The following SLC14A2 variants were observed in gnomAD, a reference collection of about 807,000 sequenced individuals.
SLC14A2 encodes the protein urea transporter 2.
A neutral mutation model predicts 104.6 loss-of-function variants in SLC14A2; 91 were observed. That is an observed-to-expected ratio of 0.87 (90% CI 0.73 to 1.04). The LOEUF is 1.04. Ranked by LOEUF, SLC14A2 falls within the 50% of genes least tolerant of loss-of-function variation. SLC14A2 has a pLI of 0.00. For missense variants in SLC14A2, 1,189 were observed against 1,156.0 expected (o/e 1.03, Z -0.41); for synonymous variants, 476 against 466.4 (o/e 1.02, Z -0.27).
At position 45,234,120 on chromosome 18, in the gene SLC14A2, T is replaced by C. The variant is rs541168622; in HGVS notation, c.-125+20929T>C. ...TGAAAAATTAAGAAAAATTAAGTGC[T>C]GATAACTAAATTCCTTAACCTGCCC... is the stretch of plus-strand genomic sequence containing the variant. On this transcript the variant is annotated intron_variant, in intron 1 of 20. Coordinates refer to the SLC14A2 transcript ENST00000586448. Among the ~76,000 whole-genome samples the C allele has an allele frequency of 5.9e-5, 9 of 152,262 alleles. No homozygotes were observed. The East Asian group carries it at 1.7e-3, about 29-fold the overall frequency.
At chr18:45,347,673 C>T (rs1226711021) in intron 1 of SLC14A2, among the ~76,000 whole-genome samples, 1 of 152,112 alleles carries the variant, frequency 6.6e-6, no homozygotes, top group African/African-American at 2.4e-5. Flanking sequence ...AAGGTACCTC[C>T]TACCTTATTC....
At chr18:45,239,459 G>T (rs769700419) in intron 1 of SLC14A2, among the ~76,000 whole-genome samples, 2 of 152,208 alleles carry the variant, frequency 1.3e-5, no homozygotes, top group Non-Finnish European at 2.9e-5. Flanking sequence ...ATGCAACCCC[G>T]GGCAGGATCC....
Position 45,509,200 on chromosome 18 carries a change from C to T in SLC14A2, c.-35+25878C>T, listed in dbSNP as rs561176769. On this transcript the variant is annotated intron_variant, in intron 2 of 20. Coordinates refer to the SLC14A2 transcript ENST00000586448. ...CATCTGTGGATTCAACTGTTTCCAT[C>T]ACATCCCTCTTTGTAGATAGGCACA... Among the ~76,000 whole-genome samples, 3 of 152,328 alleles carry T rather than the reference C, an allele frequency of 2.0e-5. No homozygotes were observed. In the South Asian group the frequency reaches 6.2e-4, roughly 32 times the overall value.
At chr18:45,475,650 T>TATATATATATATATATATTTAGG (rs2087355301) in intron 1 of SLC14A2, among the ~76,000 whole-genome samples, 9 of 23,568 alleles carry the variant, frequency 3.8e-4, no homozygotes, top group Non-Finnish European at 7.4e-4. Flanking sequence ...AGGATATATA[T>TATATATATATATATATATTTAGG]ATATATATAT....
chr18:45,359,965 A>C (rs1179038046), intron 1 of SLC14A2, among the ~76,000 whole-genome samples: 1 of 151,750 alleles, frequency 6.6e-6, no homozygotes, highest in Non-Finnish European at 1.5e-5. Context: ...TGCAATCTCC[A>C]CTCAAAATCT....
the SLC14A2 span, among the ~76,000 whole-genome samples, chr18:45,177,327 C>T: frequency 6.6e-6 from 1 of 152,128 alleles, no homozygotes. Flanking sequence ...AAGACCAATT[C>T]TAGCATATCA....
intron 1 of SLC14A2, among the ~76,000 whole-genome samples, chr18:45,329,261 CA>C (rs1280112022): frequency 6.6e-6 from 1 of 152,054 alleles, no homozygotes; most frequent in African/African-American, 2.4e-5. Context: ...AGGAAATGGC[CA>C]TACAATTATA....
the SLC14A2 span, among the ~76,000 whole-genome samples, chr18:45,178,951 AACT>A: frequency 1.3e-5 from 2 of 152,160 alleles, no homozygotes; most frequent in African/African-American, 2.4e-5. Context: ...ATCATTAGAA[AACT>A]ACTACAAGTC....
rs549816761 is a variant in SLC14A2, at chr18:45,277,089, A to G, written c.-125+63898A>G. ...CCAATCAGTCATCTCAGGAAGAAAC[A>G]CTTCTTAGCTGACTTTCCCAGAAGA... On this transcript the variant is annotated intron_variant, in intron 1 of 20. Coordinates refer to the SLC14A2 transcript ENST00000586448. Among the ~76,000 whole-genome samples, 95 of 152,316 alleles carry G rather than the reference A, an allele frequency of 6.2e-4. No homozygotes were observed. The South Asian group carries it at 0.013, about 21-fold the overall frequency.
At chr18:45,273,674 T>C (rs2084673651) in intron 1 of SLC14A2, among the ~76,000 whole-genome samples, 1 of 152,124 alleles carries the variant, frequency 6.6e-6, no homozygotes, top group Admixed American at 6.6e-5. Flanking sequence ...CCAATAGTCT[T>C]TTTAAAAAAG....
intron 2 of SLC14A2, among the ~76,000 whole-genome samples, chr18:45,504,785 T>C (rs553092271): frequency 6.6e-6 from 1 of 152,350 alleles, no homozygotes; most frequent in East Asian, 1.9e-4. Context: ...CAAATGAGGA[T>C]TCAGTTCATT....
intron 1 of SLC14A2, among the ~76,000 whole-genome samples, chr18:45,423,039 T>C (rs2086370718): frequency 6.6e-6 from 1 of 152,342 alleles, no homozygotes; most frequent in Non-Finnish European, 1.5e-5. Flanking sequence ...CACTCCATTG[T>C]GTCACACATC....
chr18:45,537,076 T>C lies in SLC14A2; in HGVS notation c.-35+53754T>C, dbSNP rs560269049. ...CTCCCTCCCTCCCTCCCTTCCTTCC[T>C]TCCTTCCTTCAACAAATATTTATAG... On this transcript the variant is annotated intron_variant, in intron 2 of 20. Coordinates refer to the SLC14A2 transcript ENST00000586448. Among the ~76,000 whole-genome samples the C allele has an allele frequency of 7.5e-5, 9 of 119,742 alleles. No individual in the cohort carries two copies. The East Asian group carries it at 1.5e-3, about 20-fold the overall frequency. 78.6% of individuals were successfully genotyped at this position (119,742 alleles called of 152,430 possible).
chr18:45,620,202 C>T (rs1431223143), intron 1 of SLC14A2, among the ~76,000 whole-genome samples: 1 of 152,200 alleles, frequency 6.6e-6, no homozygotes, highest in African/African-American at 2.4e-5. Flanking sequence ...AACACAACAG[C>T]GGGCTGAGGC....
chr18:45,255,051 C>A (rs1476799290), intron 1 of SLC14A2, among the ~76,000 whole-genome samples: 1 of 152,188 alleles, frequency 6.6e-6, no homozygotes, highest in East Asian at 1.9e-4. Context: ...TTTACCTCCA[C>A]ATGGCCATCT....
At chr18:45,199,755 A>C in the SLC14A2 span, among the ~76,000 whole-genome samples, 5 of 152,188 alleles carry the variant, frequency 3.3e-5, no homozygotes, top group Non-Finnish European at 7.3e-5. Flanking sequence ...TTATATTAGC[A>C]GCTAAGCTGA....
the SLC14A2 span, among the ~76,000 whole-genome samples, chr18:45,194,945 C>T: frequency 3.9e-5 from 6 of 152,080 alleles, no homozygotes; most frequent in Non-Finnish European, 5.9e-5. Flanking sequence ...ACCTTGTAGA[C>T]TTTCCCAAAT....
chr18:45,348,806 T>C (rs2085474313), intron 1 of SLC14A2, among the ~76,000 whole-genome samples: 1 of 152,222 alleles, frequency 6.6e-6, no homozygotes, highest in Admixed American at 6.5e-5. Context: ...CAAAGACTGA[T>C]AGTTCAGACT....
intron 1 of SLC14A2, among the ~76,000 whole-genome samples, chr18:45,321,504 C>T (rs1197430806): frequency 1.3e-5 from 2 of 152,178 alleles, no homozygotes; most frequent in East Asian, 3.9e-4. Flanking sequence ...TAGTCACTGA[C>T]ACATCCTGAA....
Sources: gnomAD v4.1 joint callset for allele counts (sites outside exome capture counted in the v4.1 genomes callset) on GRCh38, gnomAD v4.1.1 for gene constraint, MANE v1.5 for transcripts, NCBI Gene and HGNC (gene_info 2026-07-23, HGNC 2026-07-21) for gene names.